NDST4: variants seen among roughly 807,000 people sequenced by gnomAD.
NDST4 encodes N-deacetylase and N-sulfotransferase 4, also known as N-heparan sulfate sulfotransferase 4.
Under a neutral mutation model 100.8 loss-of-function variants are expected in NDST4, and 63 were observed. That is an observed-to-expected ratio of 0.62 (90% CI 0.51 to 0.77). The LOEUF is 0.77. NDST4 is among the 30% of genes least tolerant of loss of function. The pLI is 0.00. For missense variants in NDST4, 943 were observed against 1,018.4 expected (o/e 0.93, Z 1.01); for synonymous variants, 377 against 361.8 (o/e 1.04, Z -0.48).
intron 2 of NDST4, among the ~76,000 whole-genome samples, chr4:114,994,466 A>G (rs1287347249): frequency 3.3e-5 from 5 of 151,910 alleles, no homozygotes; most frequent in Non-Finnish European, 7.4e-5. Context: ...AGTACCTAGA[A>G]CACAGAGTGA....
intron 2 of NDST4, among the ~76,000 whole-genome samples, chr4:114,996,411 C>A (rs2126253926): frequency 6.6e-6 from 1 of 152,170 alleles, no homozygotes; most frequent in Non-Finnish European, 1.5e-5. Flanking sequence ...CTGAGTATTT[C>A]TTTATAGCAA....
intron 7 of NDST4, among the ~76,000 whole-genome samples, chr4:114,867,216 A>G (rs1332181021): frequency 1.3e-5 from 2 of 152,264 alleles, no homozygotes; most frequent in South Asian, 2.1e-4. Context: ...CATTCCTTCA[A>G]CAGACACATA....
rs765437158 is a variant in NDST4 at position 115,076,729 on chromosome 4, C to T, written c.308G>A (p.Arg103Gln). The change falls in exon 2 of 14, where the codon CGA becomes CAA. Residue 103 changes from arginine (R) to glutamine (Q), a missense_variant. Around this residue, in one of 2 missense-constraint regions of NDST4, gnomAD observed 417 missense variants for 384.2 expected, o/e 1.09. Coordinates refer to ENST00000264363, the MANE Select transcript of NDST4 (RefSeq NM_022569.3). ...QDIIAILESS[R>Q]FQYHMVIAPG... ...GGCAATAACCATGTGGTACTGAAAT[C>T]GGCTGGACTCCAAAATAGCTATGAT... is the stretch of plus-strand genomic sequence containing the variant. 35 of 1,613,704 alleles carry T rather than the reference C, an allele frequency of 2.2e-5. No individual in the cohort carries two copies. The highest frequency in any genetic ancestry group is 1.6e-4 in the Middle Eastern group (1 of 6,078).
chr4:114,871,124 CT>C (rs1157689439), intron 6 of NDST4, among the ~76,000 whole-genome samples, 174 bp from the exon 7 acceptor site: 1 of 152,098 alleles, frequency 6.6e-6, no homozygotes, highest in Non-Finnish European at 1.5e-5. Context: ...CTTAAACTCA[CT>C]TTTAAAATTG....
intron 4 of NDST4, among the ~76,000 whole-genome samples, chr4:114,940,296 T>C (rs1725720726): frequency 6.6e-6 from 1 of 152,180 alleles, no homozygotes; most frequent in Non-Finnish European, 1.5e-5. Context: ...CGAAATAAGA[T>C]ATTGCAGTAA....
chr4:115,056,267 A>C (rs1728691973), intron 2 of NDST4, among the ~76,000 whole-genome samples: 1 of 151,996 alleles, frequency 6.6e-6, no homozygotes, highest in African/African-American at 2.4e-5. Context: ...TAGGAGGATC[A>C]ACCTGAGCCT....
chr4:114,890,060 C>T (rs1291586207), intron 6 of NDST4, among the ~76,000 whole-genome samples: 1 of 152,044 alleles, frequency 6.6e-6, no homozygotes, highest in Non-Finnish European at 1.5e-5. Context: ...TTATTTTACC[C>T]ATGGATAGGT....
chr4:114,899,172 G>T (rs75797670), intron 6 of NDST4, among the ~76,000 whole-genome samples: 1 of 151,582 alleles, frequency 6.6e-6, no homozygotes, highest in Non-Finnish European at 1.5e-5. Flanking sequence ...GATTTTTATC[G>T]TTTTTTGTTT....
intron 6 of NDST4, among the ~76,000 whole-genome samples, chr4:114,880,701 G>C (rs938088322): frequency 1.3e-5 from 2 of 152,106 alleles, no homozygotes; most frequent in African/African-American, 2.4e-5. Flanking sequence ...ATTATCCATA[G>C]TTTTTGCCTA....
chr4:115,109,635 TCAGA>T (rs1729901859), intron 1 of NDST4, among the ~76,000 whole-genome samples: 1 of 151,936 alleles, frequency 6.6e-6, no homozygotes, highest in South Asian at 2.1e-4. Context: ...TCTCAAGCAT[TCAGA>T]CATAGTTTTA....
rs77955132 is a variant in NDST4 at position 114,909,267 on chromosome 4, T to C, written c.1536+25939A>G. 9.6e-3 allele frequency among the ~76,000 whole-genome samples: 1,461 copies of C among 152,270 alleles called. 19 individuals carry two copies. Among genetic ancestry groups the C allele is most frequent in the Middle Eastern group, 0.031 (9 of 294 alleles). The stretch of plus-strand genomic sequence containing the variant: ...GATGACGATGATGATAGATAAAGCA[T>C]ATTGAGGATGTGTGGGTTGTTTGGT... On this transcript the variant is annotated intron_variant, in intron 6 of 13. Transcript: ENST00000264363.
intron 2 of NDST4, among the ~76,000 whole-genome samples, chr4:115,022,126 A>ACACGTTCCACGTC (rs1727846172): frequency 7.6e-6 from 1 of 131,006 alleles, no homozygotes; most frequent in African/African-American, 3.9e-5. Context: ...TTCCATATAT[A>ACACGTTCCACGTC]TATACGTTCC....
chr4:114,968,366 T>G (rs545222869), intron 4 of NDST4, among the ~76,000 whole-genome samples: 2 of 152,316 alleles, frequency 1.3e-5, no homozygotes, highest in East Asian at 3.9e-4. Context: ...CCTTTGTGAT[T>G]GTATGTCCCA....
At chr4:114,975,555 T>C (rs1393968364) in intron 3 of NDST4, among the ~76,000 whole-genome samples, 1 of 152,144 alleles carries the variant, frequency 6.6e-6, no homozygotes, top group Non-Finnish European at 1.5e-5. Flanking sequence ...TCTATGCATG[T>C]TCAGTGTTTT....
intron 6 of NDST4, among the ~76,000 whole-genome samples, chr4:114,914,451 G>A (rs1383244159): frequency 6.6e-6 from 1 of 151,966 alleles, no homozygotes; most frequent in African/African-American, 2.4e-5. Flanking sequence ...TATACCTACT[G>A]TGTACCCACA....
chr4:114,851,725 T>G (rs1256352178), intron 8 of NDST4, among the ~76,000 whole-genome samples: 1 of 152,276 alleles, frequency 6.6e-6, no homozygotes, highest in East Asian at 1.9e-4. Context: ...ACAACAAAAG[T>G]GATCTATCTG....
chr4:115,007,637 C>T (rs1727451243), intron 2 of NDST4, among the ~76,000 whole-genome samples: 1 of 68,828 alleles, frequency 1.5e-5, no homozygotes, highest in Non-Finnish European at 3.0e-5. Flanking sequence ...GGAATAAAGT[C>T]CCAAGGAAGG....
chr4:114,910,803 T>C (rs531038752), intron 6 of NDST4, among the ~76,000 whole-genome samples: 1 of 152,232 alleles, frequency 6.6e-6, no homozygotes. Context: ...TTAGTAAACA[T>C]GCTTTCACTC....
intron 2 of NDST4, among the ~76,000 whole-genome samples, chr4:114,994,809 C>T (rs1323879784): frequency 2.0e-5 from 3 of 151,904 alleles, no homozygotes; most frequent in Non-Finnish European, 4.4e-5. Context: ...TTCATTTTTC[C>T]TGTTAATTAA....
Sources: gnomAD v4.1 joint callset for allele counts (sites outside exome capture counted in the v4.1 genomes callset) on GRCh38, gnomAD v4.1.1 for gene constraint, gnomAD v4.1.1 regional missense constraint, MANE v1.5 for transcripts, NCBI Gene and HGNC (gene_info 2026-07-23, HGNC 2026-07-21) for gene names.